Variants in CNTNAP5 observed in about 807,000 individuals in gnomAD.
The protein encoded by CNTNAP5 is contactin-associated protein-like 5.
CNTNAP5 carries 72 observed loss-of-function variants against 150.2 expected under a neutral mutation model. The ratio of observed to expected loss-of-function variants is 0.48; its 90% CI spans 0.40 to 0.58. The LOEUF (loss-of-function observed/expected upper bound fraction) is 0.58. Among genes scored for constraint, CNTNAP5 ranks in the 20% least tolerant of loss-of-function variants. CNTNAP5 has a pLI of 0.00. For missense variants in CNTNAP5, 1,636 were observed against 1,626.2 expected (o/e 1.01, Z -0.10); for synonymous variants, 672 against 619.8 (o/e 1.08, Z -1.25).
chr2:124,881,978 A>G (rs1677973746), intron 21 of CNTNAP5, among the ~76,000 whole-genome samples: 1 of 152,002 alleles, frequency 6.6e-6, no homozygotes, highest in Admixed American at 6.6e-5. Context: ...GATCCCTACT[A>G]GTGTGACCAG....
intron 3 of CNTNAP5, among the ~76,000 whole-genome samples, chr2:124,356,554 G>C (rs555373383): frequency 4.5e-4 from 67 of 149,076 alleles, no homozygotes; most frequent in Non-Finnish European, 7.7e-4. Context: ...GAGAATATGC[G>C]GTGTTTGGTT....
intron 13 of CNTNAP5, among the ~76,000 whole-genome samples, chr2:124,685,940 T>G (rs1472898264): frequency 6.6e-6 from 1 of 152,120 alleles, no homozygotes; most frequent in Non-Finnish European, 1.5e-5. Flanking sequence ...TATAATTAAC[T>G]TTTCATAAAT....
At chr2:124,653,678 A>G (rs1268585033) in intron 13 of CNTNAP5, among the ~76,000 whole-genome samples, 1 of 148,322 alleles carries the variant, frequency 6.7e-6, no homozygotes, top group African/African-American at 2.6e-5. Flanking sequence ...GGTAGAAAAG[A>G]AACAGTATGT....
At chr2:124,140,292 T>A (rs1306940908) in intron 1 of CNTNAP5, among the ~76,000 whole-genome samples, 1 of 151,468 alleles carries the variant, frequency 6.6e-6, no homozygotes, top group African/African-American at 2.4e-5. Flanking sequence ...CCACCACAGC[T>A]CAAGGAGGCC....
rs189255945 is a variant in CNTNAP5 at position 124,848,294 on chromosome 2, C to A, written c.3218-17012C>A. ...ACAGTGTCTGTCTCTCTGTGTCTGG[C>A]TTATTTCACTTTGCATTATGTCTTC... On this transcript the variant is annotated intron_variant, in intron 19 of 23. Transcript: ENST00000682447. 2.0e-4 allele frequency among the ~76,000 whole-genome samples: 31 copies of A among 152,262 alleles called. No homozygotes were observed. The Middle Eastern group carries it at 0.01, about 50-fold the overall frequency.
At chr2:124,099,799 G>A (rs1252443550) in intron 1 of CNTNAP5, among the ~76,000 whole-genome samples, 1 of 152,042 alleles carries the variant, frequency 6.6e-6, no homozygotes, top group East Asian at 1.9e-4. Context: ...AAGGCGGGGG[G>A]CAGGGGGTGC....
At chr2:124,335,398 C>T (rs1027402839) in intron 3 of CNTNAP5, among the ~76,000 whole-genome samples, 1 of 151,612 alleles carries the variant, frequency 6.6e-6, no homozygotes, top group Non-Finnish European at 1.5e-5. Flanking sequence ...AAATTGGGCT[C>T]CCAGCTAGCA....
In CNTNAP5 at chr2:124,040,621, CTGT is replaced by C. The variant is rs916145257; in HGVS notation, c.82+14890_82+14892del. On this transcript the variant is annotated intron_variant, in intron 1 of 23. Transcript: ENST00000682447. ...TGTGCCTGTGTGCCTCTGTATGCCT[CTGT>C]GTGTGTGTGTGTGTGTGTGTGTGTG... Among the ~76,000 whole-genome samples the C allele has an allele frequency of 8.3e-5, 12 of 145,148 alleles. 1 individual carries two copies. The highest frequency in any genetic ancestry group is 6.9e-4 in the Admixed American group (10 of 14,490).
chr2:124,547,636 G>C (rs10172675), intron 10 of CNTNAP5, among the ~76,000 whole-genome samples: 1 of 151,978 alleles, frequency 6.6e-6, no homozygotes, highest in African/African-American at 2.4e-5. Flanking sequence ...GTATTCTTGC[G>C]TAAGTGCTTG....
intron 19 of CNTNAP5, among the ~76,000 whole-genome samples, chr2:124,849,399 A>G (rs1346267112): frequency 6.6e-6 from 1 of 152,096 alleles, no homozygotes; most frequent in Non-Finnish European, 1.5e-5. Flanking sequence ...TCTAATTAGG[A>G]ATTCAGCATG....
At chr2:124,338,128 A>G (rs1689523173) in intron 3 of CNTNAP5, among the ~76,000 whole-genome samples, 1 of 152,010 alleles carries the variant, frequency 6.6e-6, no homozygotes, top group Non-Finnish European at 1.5e-5. Context: ...CTTTGAAGCA[A>G]TTGTGAATGG....
chr2:124,262,748 G>A (rs938335558), intron 3 of CNTNAP5, among the ~76,000 whole-genome samples: 4 of 151,548 alleles, frequency 2.6e-5, no homozygotes, highest in South Asian at 2.1e-4. Context: ...GTGCTGCACC[G>A]ATTAACTTGT....
Position 124,914,503 on chromosome 2 carries a change from G to A in CNTNAP5, c.*215G>A, listed in dbSNP as rs780602408. ...GCCTTCCTCTCTGATGAACCTATCG[G>A]GTGAAAACGACCACTCAAGAGACTG... On this transcript the variant is annotated 3_prime_UTR_variant, in exon 24 of 24. Transcript: ENST00000682447. 187 of 529,194 alleles carry A rather than the reference G, an allele frequency of 3.5e-4. 2 individuals are homozygous for A. The highest frequency in any genetic ancestry group is 6.8e-5 in the Non-Finnish European group (20 of 293,020). 32.8% of individuals were successfully genotyped at this position (529,194 alleles called of 1,614,324 possible). A position where few individuals can be genotyped will look rare whatever the true frequency, so the allele number is the denominator to read the frequency against.
intron 13 of CNTNAP5, among the ~76,000 whole-genome samples, chr2:124,706,811 AG>A (rs1679658928): frequency 1.0e-4 from 1 of 9,592 alleles, no homozygotes. Flanking sequence ...GAGGAGGAGG[AG>A]GAGGAGGAGG....
chr2:124,589,046 G>A (rs1317988716), intron 11 of CNTNAP5, among the ~76,000 whole-genome samples: 1 of 152,076 alleles, frequency 6.6e-6, no homozygotes, highest in African/African-American at 2.4e-5. Flanking sequence ...ATATTTCATA[G>A]ACCATACATT....
chr2:124,786,221 C>G (rs1681565390), intron 17 of CNTNAP5, among the ~76,000 whole-genome samples: 1 of 150,810 alleles, frequency 6.6e-6, no homozygotes. Context: ...TATGATCACA[C>G]CACCGCACTC....
chr2:124,512,803 T>C (rs1469850962), intron 8 of CNTNAP5, among the ~76,000 whole-genome samples: 1 of 152,214 alleles, frequency 6.6e-6, no homozygotes, highest in African/African-American at 2.4e-5. Context: ...CTTCTGTGAC[T>C]GGCTTGTTCT....
chr2:124,321,368 G>A (rs1689094587), intron 3 of CNTNAP5, among the ~76,000 whole-genome samples: 2 of 151,606 alleles, frequency 1.3e-5, no homozygotes, highest in African/African-American at 4.9e-5. Context: ...ACTTGAACCT[G>A]GGAGGCAGAG....
chr2:124,416,413 T>C (rs552578924), intron 3 of CNTNAP5, among the ~76,000 whole-genome samples: 13 of 152,168 alleles, frequency 8.5e-5, no homozygotes, highest in African/African-American at 3.1e-4. Flanking sequence ...TCACATGTCA[T>C]TCATGTTGTT....
Sources: gnomAD v4.1 joint callset for allele counts (sites outside exome capture counted in the v4.1 genomes callset) on GRCh38, gnomAD v4.1.1 for gene constraint, MANE v1.5 for transcripts, NCBI Gene and HGNC (gene_info 2026-07-23, HGNC 2026-07-21) for gene names.